Variants in EPM2A observed in about 807,000 individuals in gnomAD.
EPM2A encodes EPM2A glucan phosphatase, laforin, also known as laforin.
A neutral mutation model predicts 26.5 loss-of-function variants in EPM2A; 21 were observed. That is an observed-to-expected ratio of 0.79 (90% CI 0.56 to 1.14). The LOEUF (loss-of-function observed/expected upper bound fraction) is 1.14, where lower values mean the gene tolerates loss of function less well. Among genes scored for constraint, EPM2A ranks in the 50% most tolerant of loss-of-function variants. EPM2A has a pLI of 0.00. For missense variants in EPM2A, 458 were observed against 440.8 expected (o/e 1.04, Z -0.35); for synonymous variants, 217 against 177.6 (o/e 1.22, Z -1.76).
intron 2 of EPM2A, among the ~76,000 whole-genome samples, chr6:145,669,405 A>C (rs1779485605): frequency 6.6e-6 from 1 of 152,204 alleles, no homozygotes; most frequent in Non-Finnish European, 1.5e-5. Flanking sequence ...AAAAGAGTGG[A>C]CTATGATCTA....
intron 2 of EPM2A, among the ~76,000 whole-genome samples, chr6:145,597,131 T>C (rs1781356948): frequency 6.6e-6 from 1 of 151,632 alleles, no homozygotes; most frequent in Non-Finnish European, 1.5e-5. Context: ...CCTGACCTCA[T>C]GATCCACCCG....
chr6:145,554,265 T>C (rs965343009), intron 2 of EPM2A, among the ~76,000 whole-genome samples: 1 of 151,918 alleles, frequency 6.6e-6, no homozygotes, highest in African/African-American at 2.4e-5. Flanking sequence ...TAATTTAAAG[T>C]ATGGACCTCA....
intron 4 of EPM2A, among the ~76,000 whole-genome samples, chr6:145,433,189 T>C (rs9376935): frequency 0.79 from 120,856 of 152,140 alleles, 48,133 homozygotes; most frequent in East Asian, 0.91. Flanking sequence ...TTTTCCTTTG[T>C]ATTTTTGCAT....
intron 1 of EPM2A, among the ~76,000 whole-genome samples, chr6:145,693,025 T>C (rs1562495005): frequency 6.6e-6 from 1 of 152,070 alleles, no homozygotes; most frequent in South Asian, 2.1e-4. Flanking sequence ...TTGAGCAATA[T>C]TAATTCCTCT....
chr6:145,663,545 A>T (rs12213489), intron 2 of EPM2A, among the ~76,000 whole-genome samples: 2 of 152,208 alleles, frequency 1.3e-5, no homozygotes, highest in Non-Finnish European at 2.9e-5. Flanking sequence ...TGATTGGTGT[A>T]CCTGAAAGTG....
intron 4 of EPM2A, among the ~76,000 whole-genome samples, chr6:145,494,009 G>T (rs384453): frequency 3.3e-5 from 5 of 152,014 alleles, no homozygotes; most frequent in Non-Finnish European, 5.9e-5. Flanking sequence ...GAATAAGTTA[G>T]GGAGCAGTCC....
chr6:145,400,936 T>A (rs572754912), intron 4 of EPM2A, among the ~76,000 whole-genome samples: 65 of 152,270 alleles, frequency 4.3e-4, no homozygotes, highest in Admixed American at 2.7e-3. Context: ...TTTTGTGACT[T>A]TTTGGTTGAC....
chr6:145,400,550 C>G (rs1333102047), intron 4 of EPM2A, among the ~76,000 whole-genome samples: 1 of 152,162 alleles, frequency 6.6e-6, no homozygotes, highest in Non-Finnish European at 1.5e-5. Context: ...AGACCACTGA[C>G]TATGGAGTGG....
chr6:145,485,565 T>C (rs397311), intron 4 of EPM2A, among the ~76,000 whole-genome samples: 66,491 of 151,872 alleles, frequency 0.44, 14,714 homozygotes, highest in South Asian at 0.56. Context: ...TACAGAAGAT[T>C]AAATGTCACA....
chr6:145,519,576 AAG>A (rs1780176527), intron 2 of EPM2A, among the ~76,000 whole-genome samples: 1 of 152,120 alleles, frequency 6.6e-6, no homozygotes, highest in African/African-American at 2.4e-5. Flanking sequence ...TATAGGAAAA[AAG>A]AGAAGTTTTC....
At chr6:145,668,247 G>A (rs1430040073) in intron 2 of EPM2A, among the ~76,000 whole-genome samples, 1 of 152,020 alleles carries the variant, frequency 6.6e-6, no homozygotes, top group African/African-American at 2.4e-5. Context: ...TGTTGGGACA[G>A]GATCTGCAAT....
Position 145,572,931 on chromosome 6 carries a change from C to T in EPM2A, c.340+62314G>A, listed in dbSNP as rs557636878. ...CCAAAATCCAAGTAGGCACGCTAGG[C>T]GTTATGCCTCTTTCTGAGTTGTAGG... On this transcript the variant is annotated intron_variant, in intron 2 of 3. Transcript: ENST00000450221. 5.9e-5 allele frequency among the ~76,000 whole-genome samples: 9 copies of T among 152,260 alleles called. 1 individual carries two copies. Among genetic ancestry groups the T allele is most frequent in the East Asian group, 5.8e-4 (3 of 5,182 alleles).
intron 2 of EPM2A, among the ~76,000 whole-genome samples, chr6:145,651,577 G>A (rs1230292630): frequency 6.6e-6 from 1 of 152,162 alleles, no homozygotes; most frequent in Non-Finnish European, 1.5e-5. Flanking sequence ...AGGTACTAAC[G>A]AAATGCCTTC....
At chr6:145,405,613 C>A (rs1778557048) in intron 4 of EPM2A, among the ~76,000 whole-genome samples, 1 of 152,008 alleles carries the variant, frequency 6.6e-6, no homozygotes, top group Non-Finnish European at 1.5e-5. Flanking sequence ...CAGAAATATG[C>A]AAAATCATTT....
intron 4 of EPM2A, among the ~76,000 whole-genome samples, chr6:145,388,531 A>T (rs1778293441): frequency 6.6e-6 from 1 of 152,062 alleles, no homozygotes; most frequent in Admixed American, 6.6e-5. Flanking sequence ...AATTATTATT[A>T]TACTTTAAGT....
At chr6:145,477,449 G>A (rs750866693) in intron 4 of EPM2A, among the ~76,000 whole-genome samples, 1 of 151,528 alleles carries the variant, frequency 6.6e-6, no homozygotes, top group Non-Finnish European at 1.5e-5. Context: ...TACCCAGATA[G>A]CAAAACCAGA....
At chr6:145,471,598 G>A (rs750589399) in intron 4 of EPM2A, among the ~76,000 whole-genome samples, 3 of 152,160 alleles carry the variant, frequency 2.0e-5, no homozygotes, top group Non-Finnish European at 4.4e-5. Flanking sequence ...ATGGTGTGAA[G>A]AGCCTCTATG....
chr6:145,716,034 G>C (rs772913083), intron 1 of EPM2A, among the ~76,000 whole-genome samples: 1 of 152,172 alleles, frequency 6.6e-6, no homozygotes. Context: ...AGAAAGGTTA[G>C]GGACCACTGC....
At chr6:145,685,899 C>T (rs1204390016) in intron 2 of EPM2A, among the ~76,000 whole-genome samples, 2 of 152,200 alleles carry the variant, frequency 1.3e-5, no homozygotes, top group East Asian at 1.9e-4. Context: ...CATATTGATG[C>T]TAGGGTATGC....
Sources: gnomAD v4.1 joint callset for allele counts (sites outside exome capture counted in the v4.1 genomes callset) on GRCh38, gnomAD v4.1.1 for gene constraint, MANE v1.5 for transcripts, NCBI Gene and HGNC (gene_info 2026-07-23, HGNC 2026-07-21) for gene names.